The following AKR1B10 variants were observed in gnomAD, a reference collection of about 807,000 sequenced individuals.
AKR1B10 encodes the protein aldo-keto reductase family 1 member B10, also known as ARP.
In AKR1B10, 39 loss-of-function variants were observed where a neutral mutation model predicts 38.9. The observed-to-expected ratio is 1.00, with a 90% confidence interval of 0.78 to 1.31. The LOEUF is 1.31. Ranked by LOEUF, AKR1B10 falls within the 50% of genes most tolerant of loss-of-function variation. The pLI is 0.00. For synonymous variants in AKR1B10, 148 were observed against 141.2 expected, an observed-to-expected ratio of 1.05 and a Z score of -0.34; for missense variants, 361 against 382.6, an observed-to-expected ratio of 0.94 and a Z score of 0.47.
At chr7:134,531,728 A>G (rs1181079538) in intron 2 of AKR1B10, among the ~76,000 whole-genome samples, 180 bp from the exon 3 acceptor site, 1 of 152,210 alleles carries the variant, frequency 6.6e-6, no homozygotes, top group African/African-American at 2.4e-5. Flanking sequence ...CACTTAAGAC[A>G]TGTCATTGAG....
intron 4 of AKR1B10, among the ~76,000 whole-genome samples, chr7:134,534,420 C>A (rs956010990): frequency 2.0e-5 from 3 of 152,192 alleles, no homozygotes; most frequent in Non-Finnish European, 4.4e-5. Context: ...CCACACCTGG[C>A]TATTTGCATT....
chr7:134,534,180 G>A (rs1408280165), intron 4 of AKR1B10, among the ~76,000 whole-genome samples: 1 of 152,174 alleles, frequency 6.6e-6, no homozygotes, highest in African/African-American at 2.4e-5. Flanking sequence ...GGAGTGCAGT[G>A]GCACAATCTT....
rs1485044922 is a variant in AKR1B10, at chr7:134,538,988, C to T, written c.879C>T (p.Asn293=). ...AGATGGCAACCATACTCAGCTTCAA[C>T]AGAAACTGGAGGGCCTGTAACGTGT... ...DEEMATILSF[N]RNWRACNVLQ... is the part of the protein sequence containing the mutation. Residue 293 remains asparagine (N), a synonymous_variant, in exon 9 of 10, where the codon AAC becomes AAT. Transcript: ENST00000359579. 4 of 1,614,080 alleles carry T rather than the reference C, an allele frequency of 2.5e-6. No individual in the cohort carries two copies. In the South Asian group the frequency reaches 4.4e-5, roughly 18 times the overall value.
rs1554396831 is a variant in AKR1B10 at position 134,535,585 on chromosome 7, C to CCTT, written c.430-1065_430-1064insCTT. 963 of 410,576 alleles carry CCTT rather than the reference C, an allele frequency of 2.3e-3. 13 individuals carry two copies. The highest frequency in any genetic ancestry group is 7.2e-3 in the South Asian group (65 of 9,044). The allele number at this position is 410,576 out of a possible 1,614,324, so 25.4% of individuals were successfully genotyped here. A position where few individuals can be genotyped will look rare whatever the true frequency, so the allele number is the denominator to read the frequency against. On this transcript the variant is annotated intron_variant, in intron 4 of 9. Coordinates refer to ENST00000359579, the MANE Select transcript of AKR1B10 (RefSeq NM_020299.5). Reference sequence around the variant, plus strand: ...CTCATGTTTTTTCCCTCTTTTCTGTCTTTTTTTTTTTTTTTTTTTTTTTCT... The same window carrying CCTT: ...CTCATGTTTTTTCCCTCTTTTCTGTCCTTTTTTTTTTTTTTTTTTTTTTTTTCT...
At chr7:134,537,747 C>T (rs2117553164) in intron 7 of AKR1B10, 86 bp downstream of exon 7, 1 of 1,509,432 alleles carries the variant, frequency 6.6e-7, no homozygotes, top group Non-Finnish European at 9.1e-7. Context: ...CAACAAACTC[C>T]TTAAAGGGGA....
rs796759618 is a variant in AKR1B10, at chr7:134,535,584, T to A, written c.430-1066T>A. ...GCTCATGTTTTTTCCCTCTTTTCTG[T>A]CTTTTTTTTTTTTTTTTTTTTTTTC... On this transcript the variant is annotated intron_variant, in intron 4 of 9. Coordinates refer to ENST00000359579, the MANE Select transcript of AKR1B10 (RefSeq NM_020299.5). The A allele has an allele frequency of 7.0e-6, 6 of 856,706 alleles. No individual in the cohort carries two copies. In the African/African-American group the frequency reaches 1.5e-4, roughly 22 times the overall value. 53.1% of individuals were successfully genotyped at this position (856,706 alleles called of 1,614,324 possible).
intron 7 of AKR1B10, 61 bp downstream of exon 7, chr7:134,537,722 A>G (rs1808051543): frequency 6.3e-7 from 1 of 1,590,180 alleles, no homozygotes; most frequent in Non-Finnish European, 8.6e-7. Flanking sequence ...CGTGTTTCAT[A>G]TCCTGTGTTG....
rs1808014148 is a variant in AKR1B10, at chr7:134,536,652, C to T, written c.432C>T (p.Ala144=). ...GKATFLDAWE[A]MEELVDEGLV... ...TAAGGTATTCCTTTCTATGATAGGCCATGGAGGAGCTGGTGGATGAGGGGC... is the reference window on the plus strand; with the variant it reads ...TAAGGTATTCCTTTCTATGATAGGCTATGGAGGAGCTGGTGGATGAGGGGC... Residue 144 remains alanine, a splice_region_variant and synonymous_variant, in exon 5 of 10, where the codon GCC becomes GCT. Transcript: ENST00000359579. The T allele has an allele frequency of 6.2e-7, 1 of 1,613,772 alleles. No homozygotes were observed. The highest frequency in any genetic ancestry group is 8.5e-7 in the Non-Finnish European group (1 of 1,179,770).
chr7:134,531,790 T>C, intron 2 of AKR1B10, 118 bp from the exon 3 acceptor site: 1 of 1,135,958 alleles, frequency 8.8e-7, no homozygotes, highest in Non-Finnish European at 1.3e-6. Context: ...TAATCAGCTT[T>C]GTTACAAATG....
intron 4 of AKR1B10, chr7:134,535,640 G>A: frequency 1.3e-6 from 1 of 774,594 alleles, no homozygotes. Context: ...TCTACCTGAA[G>A]GACTCCCCTG....
chr7:134,529,120 C>T (rs565833905), intron 1 of AKR1B10, among the ~76,000 whole-genome samples: 129 of 152,246 alleles, frequency 8.5e-4, no homozygotes, highest in African/African-American at 3.0e-3. Flanking sequence ...CTCTCCTGTC[C>T]CTCATGGCTA....
intron 3 of AKR1B10, among the ~76,000 whole-genome samples, chr7:134,532,236 C>T (rs547344212): frequency 5.3e-5 from 8 of 152,082 alleles, no homozygotes; most frequent in Non-Finnish European, 8.8e-5. Context: ...TGGCCACATG[C>T]CTGGGTTTTC....
intron 6 of AKR1B10, 32 bp downstream of exon 6, chr7:134,537,189 G>C (rs762640026): frequency 1.3e-5 from 20 of 1,559,684 alleles, no homozygotes; most frequent in Non-Finnish European, 1.7e-5. Context: ...TCTTTCTCTT[G>C]ATAATCTTAA....
chr7:134,533,016 C>T lies in AKR1B10; in HGVS notation c.364C>T (p.Leu122Phe), dbSNP rs977797786. ...TCTGTGTTCACAGTCTGGGGATGAC[C>T]TTTTCCCCAAAGATGATAAAGGTAA... ...WPQGFKSGDDLFPKDDKGNAI... is the reference protein window; with the variant it reads ...WPQGFKSGDDFFPKDDKGNAI... The change falls in exon 4 of 10, where the codon CTT becomes TTT. Residue 122 changes from leucine (L) to phenylalanine (F), a missense_variant. Physicochemically the swap from Leu to Phe is conservative, Grantham distance 22. Around this residue, in one of 3 missense-constraint regions of AKR1B10, gnomAD observed 220 missense variants for 216.1 expected, o/e 1.02. Transcript: ENST00000359579. 1.2e-6 allele frequency: 2 copies of T among 1,602,290 alleles called. No individual in the cohort carries two copies. The highest frequency in any genetic ancestry group is 8.5e-7 in the Non-Finnish European group (1 of 1,175,844).
At chr7:134,531,295 T>C (rs533517908) in intron 2 of AKR1B10, among the ~76,000 whole-genome samples, 3 of 152,270 alleles carry the variant, frequency 2.0e-5, no homozygotes, top group African/African-American at 4.8e-5. Context: ...TACAATGTTA[T>C]AAAAAAGAAG....
intron 9 of AKR1B10, among the ~76,000 whole-genome samples, chr7:134,540,403 AC>A (rs60402411): frequency 1 from 152,106 of 152,106 alleles, 76,053 homozygotes; most frequent in Non-Finnish European, 1. Flanking sequence ...AGTGGGACTC[AC>A]CCCCCAAACT....
In AKR1B10 at chr7:134,540,175, G is replaced by A. The variant is rs550053290; in HGVS notation, c.909-872G>A. Among the ~76,000 whole-genome samples, 30 of 151,818 alleles carry A rather than the reference G, an allele frequency of 2.0e-4. No homozygotes were observed. In the East Asian group the frequency reaches 3.7e-3, roughly 19 times the overall value. Reference sequence around the variant, plus strand: ...AGAGCTTGCAGTGAGCTGAGATTGCGCCACTGCACTCCATCCTGGGTGACA... The same window carrying A: ...AGAGCTTGCAGTGAGCTGAGATTGCACCACTGCACTCCATCCTGGGTGACA... On this transcript the variant is annotated intron_variant, in intron 9 of 9. Coordinates refer to ENST00000359579, the MANE Select transcript of AKR1B10 (RefSeq NM_020299.5).
rs201621939 is a variant in AKR1B10, at chr7:134,532,034, ACT to A, written c.351+15_351+16del. The A allele has an allele frequency of 1.8e-4, 292 of 1,613,824 alleles. 1 individual carries two copies. The African/African-American group carries it at 3.2e-3, about 18-fold the overall frequency. ...GCCACAGGGATTCAAGGTTTAAGAC[ACT>A]CTCTTTCTCAGCCTCTAGTTTCTGA... On this transcript the variant is annotated intron_variant, in intron 3 of 9. Coordinates refer to ENST00000359579, the MANE Select transcript of AKR1B10 (RefSeq NM_020299.5).
intron 1 of AKR1B10, among the ~76,000 whole-genome samples, chr7:134,529,882 C>A (rs969204887): frequency 6.6e-6 from 1 of 151,876 alleles, no homozygotes; most frequent in East Asian, 1.9e-4. Context: ...AAACTCTATT[C>A]CTATAAGGTT....
Sources: gnomAD v4.1 joint callset for allele counts (sites outside exome capture counted in the v4.1 genomes callset) on GRCh38, gnomAD v4.1.1 for gene constraint, gnomAD v4.1.1 regional missense constraint, MANE v1.5 for transcripts, NCBI Gene and HGNC (gene_info 2026-07-23, HGNC 2026-07-21) for gene names.